The following CUBN variants were observed in gnomAD, a reference collection of about 807,000 sequenced individuals.
CUBN encodes cubilin.
Under a neutral mutation model 405.3 loss-of-function variants are expected in CUBN, and 282 were observed. The observed-to-expected ratio is 0.70, with a 90% CI of 0.63 to 0.77. The LOEUF is 0.77. Among genes scored for constraint, CUBN ranks in the 30% least tolerant of loss-of-function variants. The pLI is 0.00. For missense variants in CUBN, 4,514 were observed against 4,475.2 expected (o/e 1.01, Z -0.25); for synonymous variants, 1,684 against 1,617.0 (o/e 1.04, Z -0.99).
intron 33 of CUBN, 54 bp from the exon 34 acceptor site, chr10:16,950,165 A>AGGGAGATGGGGCAAGACG (rs1308408169): frequency 1.0e-5 from 13 of 1,301,422 alleles, no homozygotes; most frequent in Non-Finnish European, 1.3e-5. Flanking sequence ...TAAAACATAC[A>AGGGAGATGGGGCAAGACG]GGGAGATGGG....
intron 28 of CUBN, among the ~76,000 whole-genome samples, chr10:16,990,810 C>G (rs1319196963): frequency 1.3e-5 from 2 of 152,056 alleles, no homozygotes; most frequent in Non-Finnish European, 2.9e-5. Context: ...AAAAGTCATT[C>G]TAATTTTAGA....
At chr10:16,979,094 T>A (rs547691430) in intron 31 of CUBN, among the ~76,000 whole-genome samples, 4 of 152,220 alleles carry the variant, frequency 2.6e-5, no homozygotes, top group Non-Finnish European at 2.9e-5. Flanking sequence ...CATTCACAAT[T>A]GCTACAAAGA....
Position 16,861,804 on chromosome 10 carries a change from T to C in CUBN, c.9454+7832A>G, listed in dbSNP as rs1318392454. ...TCTTCCACGGAACATCCAAGTACCATAGATCCCTTCTTTCTTGCTTCCAGT... is the reference window on the plus strand; with the variant it reads ...TCTTCCACGGAACATCCAAGTACCACAGATCCCTTCTTTCTTGCTTCCAGT... On this transcript the variant is annotated intron_variant, in intron 59 of 66. Coordinates refer to ENST00000377833, the MANE Select transcript of CUBN (RefSeq NM_001081.4). Among the ~76,000 whole-genome samples the C allele has an allele frequency of 2.6e-5, 4 of 152,106 alleles. No homozygotes were observed. In the East Asian group the frequency reaches 7.7e-4, roughly 29 times the overall value.
intron 59 of CUBN, among the ~76,000 whole-genome samples, chr10:16,852,317 A>C (rs1307437657): frequency 0.077 from 1,402 of 18,176 alleles, no homozygotes; most frequent in Non-Finnish European, 0.091. Context: ...CCATCTTTCC[A>C]TCCCTCCCTC....
chr10:16,825,890 T>TA (rs1327504930), intron 66 of CUBN, among the ~76,000 whole-genome samples: 1 of 147,840 alleles, frequency 6.8e-6, no homozygotes, highest in African/African-American at 2.5e-5. Context: ...GATACTCACT[T>TA]ACTCAAGTGA....
chr10:17,020,084 G>T, intron 27 of CUBN, 101 bp from the exon 28 acceptor site: 1 of 1,347,754 alleles, frequency 7.4e-7, no homozygotes, highest in Non-Finnish European at 1.1e-6. Flanking sequence ...TGGTTCAAAA[G>T]TTAGAGGTAA....
chr10:16,914,995 G>T (rs1452108473), intron 47 of CUBN, 37 bp downstream of exon 47: 10 of 1,576,534 alleles, frequency 6.3e-6, no homozygotes, highest in East Asian at 4.5e-5. Flanking sequence ...TCCAATGCAG[G>T]TGCTCAATGT....
intron 17 of CUBN, among the ~76,000 whole-genome samples, chr10:17,078,646 A>G (rs1588628261): frequency 1.3e-5 from 2 of 152,304 alleles, no homozygotes; most frequent in African/African-American, 4.8e-5. Context: ...TTTGATAAAT[A>G]TTTAGAGAAT....
chr10:16,977,046 C>G (rs888161038), intron 31 of CUBN, among the ~76,000 whole-genome samples: 10 of 152,112 alleles, frequency 6.6e-5, no homozygotes, highest in African/African-American at 2.4e-4. Flanking sequence ...TACTATCTGG[C>G]ATATTAGTGG....
intron 13 of CUBN, among the ~76,000 whole-genome samples, chr10:17,101,960 T>A (rs1431574862): frequency 6.6e-6 from 1 of 152,220 alleles, no homozygotes; most frequent in Non-Finnish European, 1.5e-5. Context: ...AGACATTTGA[T>A]AAGAAAACTA....
chr10:16,982,645 C>T lies in CUBN; in HGVS notation c.4534G>A (p.Gly1512Arg), dbSNP rs373239474. The T allele has an allele frequency of 6.8e-6, 11 of 1,612,708 alleles. No homozygotes were observed. The highest frequency in any genetic ancestry group is 1.7e-6 in the Non-Finnish European group (2 of 1,179,088). Reference sequence around the variant, plus strand: ...TCTCCACTGGGAGCCTGGAAAATCCCACCACAACCTGGAAGTGGGGAACAC... The same window carrying T: ...TCTCCACTGGGAGCCTGGAAAATCCTACCACAACCTGGAAGTGGGGAACAC... ...SWQAVTGGCG[G>R]IFQAPSGEIH... The change falls in exon 31 of 67, where the codon GGG (glycine) becomes AGG (arginine). Residue 1512 changes from glycine (G) to arginine (R), a missense_variant. Gly to Arg is a moderately radical substitution (Grantham distance 125). Coordinates refer to ENST00000377833, the MANE Select transcript of CUBN (RefSeq NM_001081.4).
intron 60 of CUBN, among the ~76,000 whole-genome samples, chr10:16,850,393 A>G (rs545445097): frequency 3.3e-5 from 5 of 152,342 alleles, no homozygotes; most frequent in African/African-American, 1.2e-4. Flanking sequence ...CTGAACCTAT[A>G]TAACCTGATA....
chr10:16,894,609 C>T (rs950747629), intron 54 of CUBN, among the ~76,000 whole-genome samples: 3 of 152,124 alleles, frequency 2.0e-5, no homozygotes, highest in Admixed American at 1.3e-4. Context: ...GATAAGTAAG[C>T]CTAGGTAAAT....
chr10:17,083,516 A>AATAAATAAATACATACATAC (rs59957943), intron 17 of CUBN, among the ~76,000 whole-genome samples: 6,319 of 142,616 alleles, frequency 0.044, 252 homozygotes, highest in African/African-American at 0.11. Context: ...AAAATAAATA[A>AATAAATAAATACATACATAC]ATACATACAT....
intron 31 of CUBN, among the ~76,000 whole-genome samples, chr10:16,967,138 CCTTT>C (rs1455583791): frequency 2.6e-5 from 4 of 152,136 alleles, no homozygotes; most frequent in African/African-American, 9.7e-5. Flanking sequence ...GCATCAGTTT[CCTTT>C]GTCAGTGATT....
chr10:16,905,397 C>G (rs980545098), intron 50 of CUBN, among the ~76,000 whole-genome samples: 1 of 152,066 alleles, frequency 6.6e-6, no homozygotes. Context: ...TCACGAAAAC[C>G]AAGACAAATG....
At chr10:16,905,322 A>C (rs1283488108) in intron 50 of CUBN, among the ~76,000 whole-genome samples, 1 of 152,172 alleles carries the variant, frequency 6.6e-6, no homozygotes, top group East Asian at 1.9e-4. Context: ...ATCCTCTTTG[A>C]ATACAGAGTT....
At chr10:16,954,366 G>A in intron 32 of CUBN, 23 bp downstream of exon 32, 2 of 1,613,822 alleles carry the variant, frequency 1.2e-6, no homozygotes, top group Non-Finnish European at 1.7e-6. Context: ...TCTTGTGCCT[G>A]GGAAGATCCA....
At chr10:16,941,955 G>C (rs1842662756) in intron 36 of CUBN, among the ~76,000 whole-genome samples, 1 of 152,038 alleles carries the variant, frequency 6.6e-6, no homozygotes, top group Non-Finnish European at 1.5e-5. Context: ...AAATATAAAA[G>C]GAATTCCTAC....
Sources: gnomAD v4.1 joint callset for allele counts (sites outside exome capture counted in the v4.1 genomes callset) on GRCh38, gnomAD v4.1.1 for gene constraint, MANE v1.5 for transcripts, NCBI Gene and HGNC (gene_info 2026-07-23, HGNC 2026-07-21) for gene names.